The following KITLG variants were observed in gnomAD, a reference collection of about 807,000 sequenced individuals.
The protein encoded by KITLG is c-Kit ligand.
Under a neutral mutation model 34.1 loss-of-function variants are expected in KITLG, and 13 were observed. That is an observed-to-expected ratio of 0.38 (90% CI 0.25 to 0.61). KITLG has a LOEUF of 0.61. KITLG is among the 20% of genes least tolerant of loss of function. The probability of loss-of-function intolerance (pLI) is 0.60; values close to 1 mark genes in which losing one functional copy is unlikely to be tolerated. For synonymous variants in KITLG, 110 were observed against 104.0 expected (o/e 1.06, Z -0.35); for missense variants, 292 against 318.9 (o/e 0.92, Z 0.64).
At chr12:88,531,554 C>T (rs970725181) in intron 3 of KITLG, among the ~76,000 whole-genome samples, 1 of 152,042 alleles carries the variant, frequency 6.6e-6, no homozygotes, top group African/African-American at 2.4e-5. Flanking sequence ...ATTAAAATTT[C>T]TTGGTTTCAG....
At chr12:88,562,670 T>C (rs144735973) in intron 1 of KITLG, among the ~76,000 whole-genome samples, 125 of 152,354 alleles carry the variant, frequency 8.2e-4, no homozygotes, top group Non-Finnish European at 1.3e-3. Context: ...CAGTTTGAAC[T>C]TTTAACCATT....
intron 1 of KITLG, chr12:88,564,404 G>T (rs1459586584): frequency 6.6e-6 from 1 of 151,996 alleles, no homozygotes; most frequent in African/African-American, 2.4e-5. Flanking sequence ...ATAGCAAAGA[G>T]ATTTTCTCAC....
chr12:88,538,013 G>A (rs925353313), intron 2 of KITLG, among the ~76,000 whole-genome samples: 1 of 152,114 alleles, frequency 6.6e-6, no homozygotes, highest in Admixed American at 6.6e-5. Context: ...ATTTTTACAT[G>A]TGTCACATGG....
At chr12:88,505,770 G>T in intron 8 of KITLG, among the ~76,000 whole-genome samples, 1 of 152,264 alleles carries the variant, frequency 6.6e-6, no homozygotes, top group East Asian at 1.9e-4. Context: ...ATCACTGAAC[G>T]TATTTTGAAT....
chr12:88,528,361 C>G (rs1025615094), intron 3 of KITLG, among the ~76,000 whole-genome samples: 1 of 152,162 alleles, frequency 6.6e-6, no homozygotes, highest in African/African-American at 2.4e-5. Flanking sequence ...TTAATTACAT[C>G]TGCAAAGTCC....
chr12:88,576,889 T>C (rs985835354), intron 1 of KITLG, among the ~76,000 whole-genome samples: 1 of 152,100 alleles, frequency 6.6e-6, no homozygotes, highest in Non-Finnish European at 1.5e-5. Flanking sequence ...TCACCTATTA[T>C]TAAAAAAAAA....
At chr12:88,515,127 T>C (rs1869412131) in intron 6 of KITLG, among the ~76,000 whole-genome samples, 2 of 151,826 alleles carry the variant, frequency 1.3e-5, no homozygotes, top group Admixed American at 1.3e-4. Flanking sequence ...CCAGCATTTA[T>C]ACAATTAAAC....
intron 2 of KITLG, among the ~76,000 whole-genome samples, chr12:88,539,966 C>T (rs569567649): frequency 2.0e-5 from 3 of 152,024 alleles, no homozygotes; most frequent in African/African-American, 7.2e-5. Flanking sequence ...TCAAGGTCAT[C>T]GTTCCTCAGT....
intron 1 of KITLG, among the ~76,000 whole-genome samples, chr12:88,573,231 G>T (rs1156697406): frequency 1.3e-5 from 2 of 152,120 alleles, no homozygotes; most frequent in East Asian, 3.9e-4. Context: ...CCAGTACATC[G>T]ATATGGATAA....
intron 3 of KITLG, among the ~76,000 whole-genome samples, chr12:88,530,628 G>A (rs1250215684): frequency 6.6e-6 from 1 of 152,046 alleles, no homozygotes; most frequent in Non-Finnish European, 1.5e-5. Context: ...TACTTGCTTA[G>A]TAACCAAATA....
chr12:88,568,280 CATTTATTTATTTATTTATTT>C (rs59218602), intron 1 of KITLG, among the ~76,000 whole-genome samples: 29 of 147,110 alleles, frequency 2.0e-4, no homozygotes, highest in Non-Finnish European at 3.7e-4. Flanking sequence ...CATATTATCT[CATTTATTTATTTATTTATTT>C]ATTTATTTAT....
chr12:88,537,388 A>T (rs1030162592), intron 2 of KITLG, among the ~76,000 whole-genome samples: 1 of 152,092 alleles, frequency 6.6e-6, no homozygotes, highest in Non-Finnish European at 1.5e-5. Flanking sequence ...AGAAAACCAA[A>T]TATTGCATGT....
chr12:88,545,242 G>A (rs567190932), intron 2 of KITLG, among the ~76,000 whole-genome samples: 274 of 152,252 alleles, frequency 1.8e-3, no homozygotes, highest in Non-Finnish European at 3.4e-3. Context: ...TCAACATGTG[G>A]GCAATGAATC....
chr12:88,519,508 C>T (rs1869581435), intron 3 of KITLG, among the ~76,000 whole-genome samples: 1 of 152,072 alleles, frequency 6.6e-6, no homozygotes, highest in African/African-American at 2.4e-5. Flanking sequence ...ATATTGTACT[C>T]AGAGTAACTG....
At chr12:88,543,059 C>CT (rs1156352238) in intron 2 of KITLG, among the ~76,000 whole-genome samples, 1 of 151,956 alleles carries the variant, frequency 6.6e-6, no homozygotes, top group African/African-American at 2.4e-5. Context: ...GTTTGGATCC[C>CT]TTTTTCAGAC....
rs1169594311 is a variant in KITLG at position 88,507,150 on chromosome 12, G to C, written c.605-13C>G. 1 of 1,472,864 alleles carries C rather than the reference G, an allele frequency of 6.8e-7. No homozygotes were observed. Among genetic ancestry groups the C allele is most frequent in the Non-Finnish European group, 9.5e-7 (1 of 1,051,064 alleles). 91.2% of individuals were successfully genotyped at this position (1,472,864 alleles called of 1,614,324 possible). On this transcript the variant is annotated splice_polypyrimidine_tract_variant and intron_variant, in intron 6 of 9. Coordinates refer to ENST00000644744, the MANE Select transcript of KITLG (RefSeq NM_000899.5). Reference sequence around the variant, plus strand: ...TTTTTGGCCTTCCCTATAATTTAAAGAACACACTGATGAATACAGCATATC... The same window carrying C: ...TTTTTGGCCTTCCCTATAATTTAAACAACACACTGATGAATACAGCATATC...
intron 2 of KITLG, among the ~76,000 whole-genome samples, chr12:88,544,728 T>C (rs1415253498): frequency 6.6e-6 from 1 of 152,122 alleles, no homozygotes; most frequent in African/African-American, 2.4e-5. Flanking sequence ...TAATTCTATA[T>C]TGAGGCTAAG....
At chr12:88,533,543 C>A (rs1870184856) in intron 2 of KITLG, among the ~76,000 whole-genome samples, 1 of 152,122 alleles carries the variant, frequency 6.6e-6, no homozygotes. Flanking sequence ...TCTTATGTCA[C>A]CATTAAAATT....
intron 1 of KITLG, among the ~76,000 whole-genome samples, chr12:88,566,202 T>C (rs1441833960): frequency 6.6e-6 from 1 of 152,244 alleles, no homozygotes; most frequent in Admixed American, 6.5e-5. Context: ...CAGTGTTACA[T>C]GCAGTTTCAT....
Sources: gnomAD v4.1 joint callset for allele counts (sites outside exome capture counted in the v4.1 genomes callset) on GRCh38, gnomAD v4.1.1 for gene constraint, MANE v1.5 for transcripts, NCBI Gene and HGNC (gene_info 2026-07-23, HGNC 2026-07-21) for gene names.